The following ABCB5 variants were observed in gnomAD, a reference collection of about 807,000 sequenced individuals.
The protein encoded by ABCB5 is ATP-binding cassette sub-family B member 5.
ABCB5 carries 155 observed loss-of-function variants against 144.2 expected under a neutral mutation model. The observed-to-expected ratio is 1.08, with a 90% confidence interval of 0.94 to 1.23. ABCB5 has a LOEUF of 1.23. ABCB5 is among the 50% of genes most tolerant of loss of function. The pLI is 0.00. For synonymous variants in ABCB5, 610 were observed against 528.6 expected (o/e 1.15, Z -2.11); for missense variants, 1,830 against 1,520.8 (o/e 1.20, Z -3.38).
At position 20,667,613 on chromosome 7, in the gene ABCB5, G is replaced by A. The variant is rs559124615; in HGVS notation, c.1707+8937G>A. 421 of 898,840 alleles carry A rather than the reference G, an allele frequency of 4.7e-4. 24 individuals carry two copies. The highest frequency in any genetic ancestry group is 5.2e-4 in the Non-Finnish European group (393 of 751,602). The allele number at this position is 898,840 out of a possible 1,614,324, so 55.7% of individuals were successfully genotyped here. ...TCATTGAGCTAATGGGTCACATCAC[G>A]TGGCTTCATGAATAAGATTTGAGAT... is the stretch of plus-strand genomic sequence containing the variant. On this transcript the variant is annotated intron_variant, in intron 14 of 27. Coordinates refer to ENST00000404938, the MANE Select transcript of ABCB5 (RefSeq NM_001163941.2).
At chr7:20,724,500 G>A (rs982949013) in intron 21 of ABCB5, among the ~76,000 whole-genome samples, 6 of 151,788 alleles carry the variant, frequency 4.0e-5, no homozygotes, top group Admixed American at 6.6e-5. Context: ...ATGGTGGTGC[G>A]TGCCTGTAAT....
chr7:20,659,870 G>C (rs939324681), intron 14 of ABCB5: 1 of 907,502 alleles, frequency 1.1e-6, no homozygotes, highest in African/African-American at 1.8e-5. Flanking sequence ...TTTTAGTAGA[G>C]ACAAGGTTTT....
intron 23 of ABCB5, among the ~76,000 whole-genome samples, chr7:20,734,445 G>A (rs1268138403): frequency 6.7e-6 from 1 of 149,682 alleles, no homozygotes; most frequent in East Asian, 1.9e-4. Flanking sequence ...GATCTAGTAT[G>A]GGGCAGGAAT....
intron 20 of ABCB5, 37 bp downstream of exon 20, chr7:20,704,844 T>C: frequency 6.5e-7 from 1 of 1,541,346 alleles, no homozygotes; most frequent in Non-Finnish European, 9.0e-7. Flanking sequence ...GATGTATGTA[T>C]GTGGTGTGCA....
At chr7:20,722,883 A>G (rs1781917877) in intron 20 of ABCB5, 133 bp from the exon 21 acceptor site, 1 of 667,272 alleles carries the variant, frequency 1.5e-6, no homozygotes, top group Non-Finnish European at 2.5e-6. Flanking sequence ...CTCAAAGTAT[A>G]AATTCAAGGC....
intron 1 of ABCB5, among the ~76,000 whole-genome samples, chr7:20,619,296 T>C (rs1358024854): frequency 2.0e-5 from 3 of 152,206 alleles, no homozygotes; most frequent in African/African-American, 7.2e-5. Context: ...TAATTTACAT[T>C]CCCACCAGCC....
chr7:20,686,489 G>C (rs1308835266), intron 16 of ABCB5, among the ~76,000 whole-genome samples: 1 of 152,026 alleles, frequency 6.6e-6, no homozygotes, highest in Non-Finnish European at 1.5e-5. Flanking sequence ...CCTGCTTTGA[G>C]CCTCCACCAC....
intron 14 of ABCB5, among the ~76,000 whole-genome samples, chr7:20,678,457 G>C (rs897584357): frequency 3.3e-5 from 5 of 152,116 alleles, no homozygotes; most frequent in African/African-American, 1.2e-4. Flanking sequence ...AACTTTCTGA[G>C]TTCCATTTTC....
At chr7:20,657,387 T>C (rs1050460263) in intron 13 of ABCB5, among the ~76,000 whole-genome samples, 4 of 152,250 alleles carry the variant, frequency 2.6e-5, no homozygotes, top group African/African-American at 9.6e-5. Flanking sequence ...TTGTTTGTTT[T>C]TGCTAAATCT....
At chr7:20,736,056 G>A (rs1228455508) in intron 23 of ABCB5, among the ~76,000 whole-genome samples, 1 of 152,212 alleles carries the variant, frequency 6.6e-6, no homozygotes, top group Non-Finnish European at 1.5e-5. Flanking sequence ...ATACAGATGA[G>A]CATGGGAATA....
intron 11 of ABCB5, among the ~76,000 whole-genome samples, chr7:20,648,741 G>A (rs909094974): frequency 6.6e-6 from 1 of 152,204 alleles, no homozygotes; most frequent in Admixed American, 6.5e-5. Flanking sequence ...AATTACTAGT[G>A]TGATCAATTT....
intron 5 of ABCB5, among the ~76,000 whole-genome samples, chr7:20,640,741 G>A (rs1015035911): frequency 2.0e-5 from 3 of 152,010 alleles, no homozygotes; most frequent in African/African-American, 7.2e-5. Flanking sequence ...ATTGACTTGG[G>A]ACTTAGAAAA....
At chr7:20,668,553 C>T (rs1324805289) in intron 14 of ABCB5, among the ~76,000 whole-genome samples, 4 of 151,442 alleles carry the variant, frequency 2.6e-5, no homozygotes, top group South Asian at 2.1e-4. Context: ...AAATGAGGAG[C>T]GTCTCCGCCC....
At chr7:20,714,106 A>G (rs1330657431) in intron 20 of ABCB5, among the ~76,000 whole-genome samples, 1 of 151,772 alleles carries the variant, frequency 6.6e-6, no homozygotes, top group Non-Finnish European at 1.5e-5. Flanking sequence ...TGGTTCATGT[A>G]TTTTGTCTAT....
At chr7:20,738,184 C>T (rs930241838) in intron 23 of ABCB5, among the ~76,000 whole-genome samples, 3 of 152,194 alleles carry the variant, frequency 2.0e-5, no homozygotes, top group Non-Finnish European at 4.4e-5. Flanking sequence ...CAGTTTTAGC[C>T]TGATTGTGCC....
At position 20,698,468 on chromosome 7, in the gene ABCB5, T is replaced by C. The variant is rs1786500644; in HGVS notation, c.2072T>C (p.Phe691Ser). The C allele has an allele frequency of 6.2e-7, 1 of 1,600,310 alleles. No individual in the cohort carries two copies. The highest frequency in any genetic ancestry group is 1.1e-5 in the South Asian group (1 of 87,586). Reference protein sequence around the residue: ...ILKLNKPEWPFVVLGTLASVL... With the variant: ...ILKLNKPEWPSVVLGTLASVL... The stretch of plus-strand genomic sequence containing the variant: ...AAGTTAAACAAGCCTGAATGGCCTT[T>C]TGTGGTTCTGGGGACATTGGCTTCT... The change falls in exon 17 of 28, where the codon TTT (phenylalanine) becomes TCT (serine). Residue 691 changes from phenylalanine to serine, a missense_variant. Transcript: ENST00000404938.
At chr7:20,648,532 A>G (rs534844543) in intron 11 of ABCB5, among the ~76,000 whole-genome samples, 3 of 152,234 alleles carry the variant, frequency 2.0e-5, no homozygotes, top group East Asian at 1.9e-4. Context: ...ACACGCACAC[A>G]CACACGCAGT....
chr7:20,741,049 G>A (rs1782545716), intron 24 of ABCB5, among the ~76,000 whole-genome samples: 1 of 146,090 alleles, frequency 6.8e-6, no homozygotes, highest in South Asian at 2.2e-4. Flanking sequence ...ATTGCAGTGA[G>A]CCGAGATCAC....
chr7:20,730,207 T>C (rs1782162623), intron 23 of ABCB5, among the ~76,000 whole-genome samples: 1 of 152,200 alleles, frequency 6.6e-6, no homozygotes, highest in Admixed American at 6.5e-5. Context: ...GGAATATCTG[T>C]ATTTAAAATT....
Sources: allele counts gnomAD v4.1 joint callset (sites outside exome capture counted in the v4.1 genomes callset), GRCh38; gene constraint gnomAD v4.1.1; transcripts MANE v1.5; gene names NCBI Gene and HGNC (gene_info 2026-07-23, HGNC 2026-07-21).